ASTE1: variants seen among roughly 807,000 people sequenced by gnomAD.
The protein encoded by ASTE1 is single-strand DNA endonuclease ASTE1.
ASTE1 carries 49 observed loss-of-function variants against 45.8 expected under a neutral mutation model. The ratio of observed to expected loss-of-function variants is 1.07; its 90% CI spans 0.85 to 1.36. The LOEUF (loss-of-function observed/expected upper bound fraction) is 1.36, where lower values mean the gene tolerates loss of function less well. Ranked by LOEUF, ASTE1 falls within the 40% of genes most tolerant of loss-of-function variation. ASTE1 has a pLI of 0.00. For synonymous variants in ASTE1, 296 were observed against 303.9 expected (o/e 0.97, Z 0.27); for missense variants, 709 against 804.0 (o/e 0.88, Z 1.43).
intron 3 of ASTE1, 76 bp from the exon 4 acceptor site, chr3:131,018,792 A>C: frequency 7.0e-7 from 1 of 1,429,064 alleles, no homozygotes; most frequent in Non-Finnish European, 9.6e-7. Flanking sequence ...CATAGCATGA[A>C]GAGATTTAAT....
chr3:131,020,698 A>G (rs1469619464), intron 3 of ASTE1, among the ~76,000 whole-genome samples: 1 of 152,254 alleles, frequency 6.6e-6, no homozygotes, highest in East Asian at 1.9e-4. Flanking sequence ...TTGGAATCAC[A>G]TGAGCACCTG....
chr3:131,016,380 A>G (rs201674974), intron 4 of ASTE1, 41 bp from the exon 5 acceptor site: 3 of 1,601,652 alleles, frequency 1.9e-6, no homozygotes, highest in Middle Eastern at 1.7e-4. Flanking sequence ...TTCTAAAAGC[A>G]CTGTAACAGC....
Position 131,016,328 on chromosome 3 carries a change from GCTC to G in ASTE1, c.1522_1524del (p.Glu508del). ...AACATCTTAGCACCATCTTCCTGCAGCTCTTCCTTACCTAAATAAAGAAACAGC... is the reference window on the plus strand; with the variant it reads ...AACATCTTAGCACCATCTTCCTGCAGTTCCTTACCTAAATAAAGAAACAGC... On this transcript the variant is annotated inframe_deletion, in exon 5 of 6. Coordinates refer to ENST00000264992, the MANE Select transcript of ASTE1 (RefSeq NM_014065.4). 5 of 1,614,098 alleles carry G rather than the reference GCTC, an allele frequency of 3.1e-6. No individual in the cohort carries two copies. The highest frequency in any genetic ancestry group is 1.3e-5 in the African/African-American group (1 of 75,012).
intron 1 of ASTE1, chr3:131,026,071 C>T (rs944481079): frequency 8.6e-5 from 13 of 151,698 alleles, no homozygotes; most frequent in African/African-American, 3.1e-4. Context: ...TTTGACACCT[C>T]GGGCTTCAAT....
chr3:131,018,429 T>C lies in ASTE1; in HGVS notation c.1513+77A>G, dbSNP rs544261075. 1.2e-4 allele frequency: 171 copies of C among 1,408,998 alleles called. No individual in the cohort carries two copies. In the African/African-American group the frequency reaches 2.2e-3, roughly 18 times the overall value. 87.3% of individuals were successfully genotyped at this position (1,408,998 alleles called of 1,614,324 possible). A position where few individuals can be genotyped will look rare whatever the true frequency, so the allele number is the denominator to read the frequency against. ...GGGAGTAAATAATCCAAGAATACTT[T>C]TTTGTTTGTGTAAACTCGAGTAAAC... is the stretch of plus-strand genomic sequence containing the variant. On this transcript the variant is annotated intron_variant, in intron 4 of 5. Transcript: ENST00000264992.
chr3:131,020,338 C>G (rs550032123), intron 3 of ASTE1, among the ~76,000 whole-genome samples: 5 of 152,322 alleles, frequency 3.3e-5, no homozygotes, highest in South Asian at 2.1e-4. Context: ...AACTACTTTC[C>G]CTCTTCCCCA....
chr3:131,019,984 A>G (rs1203597787), intron 3 of ASTE1, among the ~76,000 whole-genome samples: 4 of 152,222 alleles, frequency 2.6e-5, no homozygotes, highest in African/African-American at 7.2e-5. Context: ...TGGAAACTAA[A>G]CTCTTAAACT....
chr3:131,024,634 C>A lies in ASTE1; in HGVS notation c.673G>T (p.Asp225Tyr). The change falls in exon 3 of 6, where the codon GAC (aspartate) becomes TAC (tyrosine). Residue 225 changes from aspartate to tyrosine, a missense_variant. Coordinates refer to ENST00000264992, the MANE Select transcript of ASTE1 (RefSeq NM_014065.4). ...TCCATGATGGGTAGATTAACATGGT[C>A]ATTTCCACATAGCACCGCAAAGAGA... ...LPLFAVLCGN[D>Y]HVNLPIMETF... 1 of 1,600,610 alleles carries A rather than the reference C, an allele frequency of 6.2e-7. No individual in the cohort carries two copies. The highest frequency in any genetic ancestry group is 1.1e-5 in the South Asian group (1 of 88,646).
Position 131,024,665 on chromosome 3 carries a change from T to G in ASTE1, c.642A>C (p.Leu214=), listed in dbSNP as rs1296053777. 1 of 1,593,320 alleles carries G rather than the reference T, an allele frequency of 6.3e-7. No individual in the cohort carries two copies. The highest frequency in any genetic ancestry group is 1.7e-5 in the Admixed American group (1 of 58,358). Residue 214 remains leucine (L), a synonymous_variant, in exon 3 of 6, where the codon CTA becomes CTC. Transcript: ENST00000264992. The part of the protein sequence containing the change: ...CHHFSNMNKA[L]LPLFAVLCGN... ...CACATAGCACCGCAAAGAGAGGTAG[T>G]AGAGCTTTATTCATATTGCTGAAGT...
Position 131,018,730 on chromosome 3 carries a change from C to T in ASTE1, c.1303-14G>A. The stretch of plus-strand genomic sequence containing the variant: ...CCTCAAGGAGAGCTGAAAATACACA[C>T]CAAGTATCCTGCAAGTTACTTTGGG... On this transcript the variant is annotated splice_polypyrimidine_tract_variant and intron_variant, in intron 3 of 5. Transcript: ENST00000264992. The T allele has an allele frequency of 6.2e-7, 1 of 1,611,648 alleles. No individual in the cohort carries two copies. Among genetic ancestry groups the T allele is most frequent in the Non-Finnish European group, 8.5e-7 (1 of 1,178,472 alleles).
At chr3:131,015,584 A>G (rs1450410996) in intron 5 of ASTE1, among the ~76,000 whole-genome samples, 1 of 152,206 alleles carries the variant, frequency 6.6e-6, no homozygotes. Flanking sequence ...TCACTTGGGC[A>G]TCTACTCATC....
In ASTE1 at chr3:131,016,159, T is replaced by C. The variant is rs751523334; in HGVS notation, c.1694A>G (p.Glu565Gly). ...LNQLLSTPLPEPDLTRLYSGS... is the reference protein window; with the variant it reads ...LNQLLSTPLPGPDLTRLYSGS... ...TGGTGCTTACCGAGTTAGGTCTGGCTCTGGGAGAGGAGTGGACAGCAGCTG... is the reference window on the plus strand; with the variant it reads ...TGGTGCTTACCGAGTTAGGTCTGGCCCTGGGAGAGGAGTGGACAGCAGCTG... Residue 565 changes from glutamate (E) to glycine (G), a missense_variant, in exon 5 of 6, where the codon GAG becomes GGG. Glu to Gly is a moderately conservative substitution (Grantham distance 98, BLOSUM62 -2). Transcript: ENST00000264992. The C allele has an allele frequency of 6.2e-7, 1 of 1,614,084 alleles. No homozygotes were observed. The highest frequency in any genetic ancestry group is 1.1e-5 in the South Asian group (1 of 91,080).
chr3:131,015,356 C>T (rs1265479325), intron 5 of ASTE1: 1 of 620,124 alleles, frequency 1.6e-6, no homozygotes, highest in African/African-American at 1.9e-5. Context: ...TTATCTTCAT[C>T]TCTCCCTCAA....
intron 3 of ASTE1, among the ~76,000 whole-genome samples, chr3:131,023,171 C>T (rs1230438637): frequency 6.6e-6 from 1 of 152,092 alleles, no homozygotes; most frequent in African/African-American, 2.4e-5. Flanking sequence ...CTGTGGTTGC[C>T]GTCCTACATC....
intron 3 of ASTE1, among the ~76,000 whole-genome samples, chr3:131,022,466 T>G (rs900864372): frequency 6.6e-6 from 1 of 151,682 alleles, no homozygotes; most frequent in Non-Finnish European, 1.5e-5. Context: ...TGAGTAGCTG[T>G]ACCACCATGC....
intron 4 of ASTE1, among the ~76,000 whole-genome samples, chr3:131,017,620 G>A (rs956802672): frequency 1.3e-5 from 2 of 152,188 alleles, no homozygotes; most frequent in Non-Finnish European, 2.9e-5. Flanking sequence ...GTGTCCCAGT[G>A]TTTCAGCATT....
rs750336679 is a variant in ASTE1, at chr3:131,016,276, G to A, written c.1577C>T (p.Ala526Val). 8.1e-6 allele frequency: 13 copies of A among 1,613,870 alleles called. No individual in the cohort carries two copies. The highest frequency in any genetic ancestry group is 4.4e-5 in the South Asian group (4 of 91,070). ...MLYAEFQRVK[A>V]QTRLGTRLDL... ...CAGTCTTGTGCCCAGCCGTGTCTGC[G>A]CCTTCACTCTTTGGAACTCTGCATA... The change falls in exon 5 of 6, where the codon GCG (alanine) becomes GTG (valine). Residue 526 changes from alanine (A) to valine (V), a missense_variant. Coordinates refer to ENST00000264992, the MANE Select transcript of ASTE1 (RefSeq NM_014065.4).
In ASTE1 at chr3:131,018,704, T is replaced by G. The variant is rs375067832; in HGVS notation, c.1315A>C (p.Arg439=). The change falls in exon 4 of 6, where the codon AGG becomes CGG. Residue 439 remains arginine (R), a synonymous_variant. Transcript: ENST00000264992. ...LSRLTELSLR[R]RQMLLLETLK... Reference sequence around the variant, plus strand: ...GTTTCTAACAGAAGCATCTGCCGCCTCCTCAAGGAGAGCTGAAAATACACA... The same window carrying G: ...GTTTCTAACAGAAGCATCTGCCGCCGCCTCAAGGAGAGCTGAAAATACACA... The G allele has an allele frequency of 1.2e-4, 193 of 1,613,880 alleles. No individual in the cohort carries two copies. The highest frequency in any genetic ancestry group is 2.1e-4 in the South Asian group (19 of 91,076).
At chr3:131,025,734 A>T (rs534208839) in intron 1 of ASTE1, 140 bp from the exon 2 acceptor site, 106 of 147,120 alleles carry the variant, frequency 7.2e-4, no homozygotes, top group African/African-American at 2.9e-3. Context: ...GTCCTAAGCT[A>T]AAAAAAAGAT....
Sources: gnomAD v4.1 joint callset for allele counts (sites outside exome capture counted in the v4.1 genomes callset) on GRCh38, gnomAD v4.1.1 for gene constraint, MANE v1.5 for transcripts, NCBI Gene and HGNC (gene_info 2026-07-23, HGNC 2026-07-21) for gene names.